ATAD2B: variants seen among roughly 807,000 people sequenced by gnomAD.
The protein encoded by ATAD2B is ATPase family AAA domain-containing protein 2B.
In ATAD2B, 40 loss-of-function variants were observed where a neutral mutation model predicts 167.6. That is an observed-to-expected ratio of 0.24 (90% CI 0.19 to 0.31). ATAD2B has a LOEUF of 0.31. Among genes scored for constraint, ATAD2B ranks in the 10% least tolerant of loss-of-function variants. ATAD2B has a pLI of 1.00. For missense variants in ATAD2B, 1,242 were observed against 1,757.2 expected, an observed-to-expected ratio of 0.71 and a Z score of 5.24; for synonymous variants, 579 against 596.5, an observed-to-expected ratio of 0.97 and a Z score of 0.43.
At chr2:23,898,854 T>G (rs1028888838) in intron 1 of ATAD2B, among the ~76,000 whole-genome samples, 1 of 151,664 alleles carries the variant, frequency 6.6e-6, no homozygotes, top group African/African-American at 2.4e-5. Flanking sequence ...AACTTAAAAA[T>G]AAAAATTAGT....
At chr2:23,829,036 T>C (rs901713980) in intron 14 of ATAD2B, 97 bp from the exon 15 acceptor site, 3 of 736,390 alleles carry the variant, frequency 4.1e-6, no homozygotes, top group African/African-American at 3.6e-5. Context: ...GGAACAAATT[T>C]TGACTAACAA....
chr2:23,899,554 T>C (rs1230336296), intron 1 of ATAD2B, among the ~76,000 whole-genome samples: 2 of 152,148 alleles, frequency 1.3e-5, no homozygotes, highest in Non-Finnish European at 2.9e-5. Context: ...CACCATACTA[T>C]ACTCAAATGA....
At chr2:23,829,498 C>T (rs960826756) in intron 14 of ATAD2B, among the ~76,000 whole-genome samples, 1 of 152,140 alleles carries the variant, frequency 6.6e-6, no homozygotes, top group Admixed American at 6.5e-5. Context: ...CACCTGCAAT[C>T]CCAGCACTTT....
chr2:23,724,285 A>G, the ATAD2B span, among the ~76,000 whole-genome samples: 1 of 152,190 alleles, frequency 6.6e-6, no homozygotes, highest in Non-Finnish European at 1.5e-5. Context: ...TCCCAAAACA[A>G]AAAAAGATAA....
chr2:23,824,237 C>T (rs1414926652), intron 15 of ATAD2B, among the ~76,000 whole-genome samples: 5 of 152,218 alleles, frequency 3.3e-5, no homozygotes, highest in Admixed American at 3.3e-4. Context: ...GCTGGGATTA[C>T]AGGCCTGAGC....
chr2:23,870,229 T>A (rs982133071), intron 8 of ATAD2B, among the ~76,000 whole-genome samples: 2 of 138,172 alleles, frequency 1.4e-5, no homozygotes, highest in Admixed American at 7.3e-5. Flanking sequence ...AAAAGGAGAA[T>A]AGAAAGCCTA....
chr2:23,778,260 A>G (rs899543235), intron 22 of ATAD2B, among the ~76,000 whole-genome samples: 7 of 152,224 alleles, frequency 4.6e-5, no homozygotes, highest in Admixed American at 2.6e-4. Flanking sequence ...TCATTGTGGA[A>G]CTGCATTTTG....
At chr2:23,898,240 G>A (rs1297824037) in intron 1 of ATAD2B, among the ~76,000 whole-genome samples, 2 of 152,126 alleles carry the variant, frequency 1.3e-5, no homozygotes, top group Admixed American at 6.5e-5. Context: ...ACCACACCTC[G>A]CCCAGCAACT....
intron 16 of ATAD2B, among the ~76,000 whole-genome samples, chr2:23,821,490 A>G (rs1419348662): frequency 1.3e-5 from 2 of 152,248 alleles, no homozygotes; most frequent in African/African-American, 4.8e-5. Context: ...AATTTAAGAA[A>G]TCAGGTATTC....
the ATAD2B span, among the ~76,000 whole-genome samples, chr2:23,692,477 A>C: frequency 6.6e-6 from 1 of 152,220 alleles, no homozygotes; most frequent in African/African-American, 2.4e-5. Context: ...GCCCCCAAAG[A>C]AGCAGTGGCC....
At chr2:23,859,664 C>T (rs1213021710) in intron 12 of ATAD2B, among the ~76,000 whole-genome samples, 1 of 152,078 alleles carries the variant, frequency 6.6e-6, no homozygotes, top group Non-Finnish European at 1.5e-5. Flanking sequence ...AATTTAATTG[C>T]CGGCCGGGCT....
chr2:23,901,013 G>A (rs1700764619), intron 1 of ATAD2B: 1 of 153,334 alleles, frequency 6.5e-6, no homozygotes. Flanking sequence ...GAACAGAAAG[G>A]ATAAGGATGC....
intron 7 of ATAD2B, among the ~76,000 whole-genome samples, chr2:23,877,984 C>G (rs1219172556): frequency 1.8e-5 from 2 of 111,950 alleles, no homozygotes; most frequent in Non-Finnish European, 3.6e-5. Context: ...CGCACCAATG[C>G]ACTCCAGCCT....
At chr2:23,911,701 G>A (rs1048348146) in intron 1 of ATAD2B, among the ~76,000 whole-genome samples, 1 of 151,970 alleles carries the variant, frequency 6.6e-6, no homozygotes, top group Non-Finnish European at 1.5e-5. Flanking sequence ...CTTAAAACCA[G>A]CAGTGACTCA....
chr2:23,863,579 A>T, intron 11 of ATAD2B, 24 bp from the exon 12 acceptor site: 2 of 1,529,506 alleles, frequency 1.3e-6, no homozygotes, highest in Non-Finnish European at 1.8e-6. Context: ...AAAATCAAGA[A>T]GTGTAAATTA....
At chr2:23,740,145 C>T in the ATAD2B span, among the ~76,000 whole-genome samples, 3 of 152,210 alleles carry the variant, frequency 2.0e-5, no homozygotes, top group African/African-American at 4.8e-5. Context: ...GGTACCAATC[C>T]TTCTGAAACT....
intron 1 of ATAD2B, among the ~76,000 whole-genome samples, chr2:23,899,257 G>A (rs974081394): frequency 1.4e-5 from 2 of 144,218 alleles, no homozygotes; most frequent in Non-Finnish European, 3.0e-5. Context: ...AGCCTGCAGT[G>A]AGCTGTGATC....
chr2:23,709,903 T>G, the ATAD2B span, among the ~76,000 whole-genome samples: 1 of 152,198 alleles, frequency 6.6e-6, no homozygotes, highest in African/African-American at 2.4e-5. Flanking sequence ...AGAAACACAT[T>G]CTCTGGGTCT....
chr2:23,772,390 G>T (rs545658509), intron 22 of ATAD2B, among the ~76,000 whole-genome samples: 1 of 152,196 alleles, frequency 6.6e-6, no homozygotes, highest in South Asian at 2.1e-4. Flanking sequence ...AACATCCTTA[G>T]AAGTAGCTAT....
Sources: gnomAD v4.1 joint callset for allele counts (sites outside exome capture counted in the v4.1 genomes callset) on GRCh38, gnomAD v4.1.1 for gene constraint, MANE v1.5 for transcripts, NCBI Gene and HGNC (gene_info 2026-07-23, HGNC 2026-07-21) for gene names.